DNAJC7: variants seen among roughly 807,000 people sequenced by gnomAD.
DNAJC7 encodes the protein DnaJ heat shock protein family (Hsp40) member C7.
A neutral mutation model predicts 67.4 loss-of-function variants in DNAJC7; 18 were observed. The ratio of observed to expected loss-of-function variants is 0.27; its 90% CI spans 0.18 to 0.40. The LOEUF (loss-of-function observed/expected upper bound fraction) is 0.40, where lower values mean the gene tolerates loss of function less well. Among genes scored for constraint, DNAJC7 ranks in the 10% least tolerant of loss-of-function variants. The pLI is 1.00. For synonymous variants in DNAJC7, 220 were observed against 207.8 expected (o/e 1.06, Z -0.50); for missense variants, 419 against 613.8 (o/e 0.68, Z 3.35).
intron 7 of DNAJC7, 93 bp from the exon 8 acceptor site, chr17:41,988,989 T>G (rs1282656566): frequency 6.8e-7 from 1 of 1,477,310 alleles, no homozygotes; most frequent in African/African-American, 1.4e-5. Flanking sequence ...AGTTCTTTGC[T>G]TCCAGCAGTT....
rs1373097872 is a variant in DNAJC7, at chr17:41,979,720, T to C, written c.1384+2135A>G. Reference sequence around the variant, plus strand: ...GCTCACGCCTGTAATTCCAGCCCTTTGGGAGGCCGAGGTGGGTGGATCACG... The same window carrying C: ...GCTCACGCCTGTAATTCCAGCCCTTCGGGAGGCCGAGGTGGGTGGATCACG... On this transcript the variant is annotated intron_variant, in intron 12 of 13. Coordinates refer to ENST00000457167, the MANE Select transcript of DNAJC7 (RefSeq NM_003315.4). 4.1e-5 allele frequency among the ~76,000 whole-genome samples: 6 copies of C among 146,486 alleles called. No homozygotes were observed. In the South Asian group the frequency reaches 6.6e-4, roughly 16 times the overall value.
intron 9 of DNAJC7, chr17:41,987,604 C>T (rs988767247): frequency 3.0e-5 from 15 of 507,612 alleles, no homozygotes; most frequent in African/African-American, 1.4e-4. Flanking sequence ...CCGTGAGGGG[C>T]GTTAGACACA....
At chr17:41,997,673 C>G (rs1021060520) in intron 2 of DNAJC7, among the ~76,000 whole-genome samples, 1 of 152,118 alleles carries the variant, frequency 6.6e-6, no homozygotes, top group East Asian at 1.9e-4. Flanking sequence ...CTATCTGTAA[C>G]GCTCATAAAC....
At chr17:41,997,303 A>AG in intron 2 of DNAJC7, 64 bp from the exon 3 acceptor site, 1 of 1,561,196 alleles carries the variant, frequency 6.4e-7, no homozygotes, top group African/African-American at 1.4e-5. Context: ...GAAAACTTAG[A>AG]GGGGGCTGGG....
intron 1 of DNAJC7, among the ~76,000 whole-genome samples, chr17:42,005,868 G>A (rs2051936722): frequency 6.6e-6 from 1 of 151,752 alleles, no homozygotes; most frequent in Non-Finnish European, 1.5e-5. Context: ...AGCCTCCCTA[G>A]TAGCTGGGAT....
chr17:42,005,214 G>A (rs2051915628), intron 1 of DNAJC7, among the ~76,000 whole-genome samples: 1 of 152,174 alleles, frequency 6.6e-6, no homozygotes, highest in Non-Finnish European at 1.5e-5. Context: ...GTATCACACA[G>A]GTCTTAGCAG....
At chr17:42,012,421 T>G (rs1003529900) in intron 1 of DNAJC7, among the ~76,000 whole-genome samples, 2 of 152,218 alleles carry the variant, frequency 1.3e-5, no homozygotes, top group Non-Finnish European at 2.9e-5. Context: ...AGGCGGAGTT[T>G]GCAGTGAGCT....
intron 12 of DNAJC7, among the ~76,000 whole-genome samples, chr17:41,978,612 C>T (rs560821963): frequency 6.6e-6 from 1 of 152,346 alleles, no homozygotes; most frequent in Admixed American, 6.5e-5. Flanking sequence ...GTAATCCCAG[C>T]ACTTTGGGAG....
intron 1 of DNAJC7, among the ~76,000 whole-genome samples, chr17:42,008,481 C>T (rs2052032319): frequency 6.6e-6 from 1 of 150,524 alleles, no homozygotes; most frequent in South Asian, 2.1e-4. Flanking sequence ...GCCATCTCGG[C>T]TCATTGCAAG....
At chr17:41,986,676 GT>G (rs2051390787) in intron 9 of DNAJC7, among the ~76,000 whole-genome samples, 1 of 152,070 alleles carries the variant, frequency 6.6e-6, no homozygotes, top group African/African-American at 2.4e-5. Flanking sequence ...CTGTGTGCCA[GT>G]GGTTTGCAAA....
chr17:42,007,146 G>C (rs2051988259), intron 1 of DNAJC7, among the ~76,000 whole-genome samples: 1 of 151,768 alleles, frequency 6.6e-6, no homozygotes, highest in East Asian at 1.9e-4. Flanking sequence ...TTTTCCTTTA[G>C]GCTATTAATA....
At chr17:42,004,781 GGAGACA>G (rs1158118508) in intron 1 of DNAJC7, among the ~76,000 whole-genome samples, 2 of 152,182 alleles carry the variant, frequency 1.3e-5, no homozygotes, top group Non-Finnish European at 2.9e-5. Flanking sequence ...CAGCACTTTA[GGAGACA>G]GAGACAAGAA....
At chr17:42,017,152 G>A in intron 1 of DNAJC7, 188 bp downstream of exon 1, 1 of 1,489,378 alleles carries the variant, frequency 6.7e-7, no homozygotes, top group Non-Finnish European at 8.9e-7. Flanking sequence ...AGGCGGAAGC[G>A]GGAGAGGAAG....
intron 4 of DNAJC7, 24 bp from the exon 5 acceptor site, chr17:41,994,968 G>C: frequency 6.2e-7 from 1 of 1,603,678 alleles, no homozygotes; most frequent in Non-Finnish European, 8.5e-7. Context: ...TCAGACATAG[G>C]AAAGTTTTAA....
At chr17:41,995,357 A>C (rs1398554721) in intron 4 of DNAJC7, among the ~76,000 whole-genome samples, 1 of 152,218 alleles carries the variant, frequency 6.6e-6, no homozygotes, top group East Asian at 1.9e-4. Context: ...TGCTTGATAT[A>C]CATGAAATAA....
rs782250879 is a variant in DNAJC7 at position 41,995,030 on chromosome 17, T to C, written c.406-86A>G. 5 of 1,141,504 alleles carry C rather than the reference T, an allele frequency of 4.4e-6. No individual in the cohort carries two copies. In the South Asian group the frequency reaches 5.0e-5, roughly 11 times the overall value. The allele number at this position is 1,141,504 out of a possible 1,614,324, so 70.7% of individuals were successfully genotyped here. The stretch of plus-strand genomic sequence containing the variant: ...AAAAATTAACAAGGCCTTGATGAAT[T>C]TGAATTCAGTAAATATACCACACTG... On this transcript the variant is annotated intron_variant, in intron 4 of 13. Coordinates refer to ENST00000457167, the MANE Select transcript of DNAJC7 (RefSeq NM_003315.4).
intron 5 of DNAJC7, among the ~76,000 whole-genome samples, chr17:41,993,598 A>C (rs1462156852): frequency 3.3e-5 from 5 of 152,180 alleles, no homozygotes; most frequent in African/African-American, 9.7e-5. Context: ...GATCCAGAAA[A>C]TCTCTCCTGA....
chr17:41,984,832 CTT>C (rs1230121297), intron 9 of DNAJC7: 9 of 145,512 alleles, frequency 6.2e-5, no homozygotes, highest in East Asian at 2.0e-4. Flanking sequence ...CATTTTCTTT[CTT>C]TTTTTTTTTT....
intron 1 of DNAJC7, among the ~76,000 whole-genome samples, chr17:42,009,410 G>T (rs564918256): frequency 6.6e-6 from 1 of 152,324 alleles, no homozygotes; most frequent in Admixed American, 6.5e-5. Flanking sequence ...ACACCAGCCA[G>T]CAAGCTGTGC....
Sources: allele counts gnomAD v4.1 joint callset (sites outside exome capture counted in the v4.1 genomes callset), GRCh38; gene constraint gnomAD v4.1.1; transcripts MANE v1.5; gene names NCBI Gene and HGNC (gene_info 2026-07-23, HGNC 2026-07-21).